TRDN: variants seen among roughly 807,000 people sequenced by gnomAD.
TRDN encodes triadin.
A neutral mutation model predicts 149.7 loss-of-function variants in TRDN; 161 were observed. The observed-to-expected ratio is 1.08, with a 90% CI of 0.95 to 1.23. The LOEUF (loss-of-function observed/expected upper bound fraction) is 1.23, where lower values mean the gene tolerates loss of function less well. Among genes scored for constraint, TRDN ranks in the 50% most tolerant of loss-of-function variants. The pLI, the probability that TRDN is intolerant of heterozygous loss-of-function variation, is 0.00. For synonymous variants in TRDN, 294 were observed against 250.5 expected (o/e 1.17, Z -1.64); for missense variants, 896 against 823.5 (o/e 1.09, Z -1.08).
At chr6:123,283,816 C>A (rs9401647) in intron 24 of TRDN, among the ~76,000 whole-genome samples, 26,737 of 148,050 alleles carry the variant, frequency 0.18, 3,021 homozygotes, top group East Asian at 0.53. Context: ...AAAAAATTAC[C>A]AATGAAAAAA....
intron 2 of TRDN, among the ~76,000 whole-genome samples, chr6:123,560,131 C>T (rs549427547): frequency 1.2e-3 from 189 of 152,288 alleles, no homozygotes; most frequent in African/African-American, 4.3e-3. Context: ...CGGCGGCTGC[C>T]GCTGCTTAAA....
At chr6:123,570,833 G>A (rs1454044959) in intron 2 of TRDN, 90 bp downstream of exon 2, 1 of 1,221,796 alleles carries the variant, frequency 8.2e-7, no homozygotes, top group Non-Finnish European at 1.2e-6. Flanking sequence ...ACACTAAGAT[G>A]AAACAGAAAC....
chr6:123,223,693 C>T (rs1263325204), intron 39 of TRDN, among the ~76,000 whole-genome samples: 2 of 140,696 alleles, frequency 1.4e-5, no homozygotes, highest in Non-Finnish European at 3.0e-5. Context: ...TCCTTCCTTC[C>T]TTCCTTCCTT....
chr6:123,379,155 T>C (rs1781620663), intron 16 of TRDN, among the ~76,000 whole-genome samples: 1 of 152,152 alleles, frequency 6.6e-6, no homozygotes. Flanking sequence ...CTAGAATATG[T>C]TCATACTGAA....
chr6:123,234,309 G>C (rs1775710138), intron 38 of TRDN, among the ~76,000 whole-genome samples: 1 of 152,094 alleles, frequency 6.6e-6, no homozygotes, highest in African/African-American at 2.4e-5. Flanking sequence ...TCATATATAT[G>C]TGTGTGCATT....
At chr6:123,312,426 T>C (rs555412885) in intron 24 of TRDN, among the ~76,000 whole-genome samples, 61 of 152,014 alleles carry the variant, frequency 4.0e-4, no homozygotes, top group Non-Finnish European at 7.1e-4. Context: ...ATAGTAAATA[T>C]ATTTTATCTT....
At chr6:123,523,761 A>C (rs1478199392) in intron 5 of TRDN, among the ~76,000 whole-genome samples, 2 of 152,158 alleles carry the variant, frequency 1.3e-5, no homozygotes, top group Non-Finnish European at 2.9e-5. Context: ...GAGAACAAGA[A>C]GTCTATGGCA....
chr6:123,509,895 T>G (rs1166152765), intron 7 of TRDN: 1 of 152,156 alleles, frequency 6.6e-6, no homozygotes, highest in Non-Finnish European at 1.5e-5. Context: ...ACCTGGGTTT[T>G]TAGTCTTAAC....
intron 24 of TRDN, among the ~76,000 whole-genome samples, chr6:123,291,399 C>T (rs1258030362): frequency 6.6e-6 from 1 of 151,784 alleles, no homozygotes; most frequent in African/African-American, 2.4e-5. Context: ...CCTGTCTCTA[C>T]TAAAAAATAC....
chr6:123,267,796 G>C (rs1390978591), intron 31 of TRDN, 45 bp from the exon 32 acceptor site: 1 of 1,464,618 alleles, frequency 6.8e-7, no homozygotes, highest in Admixed American at 2.1e-5. Context: ...TGGATTCTTT[G>C]GCAAATATTT....
intron 36 of TRDN, 61 bp from the exon 37 acceptor site, chr6:123,255,186 T>G: frequency 1.2e-6 from 1 of 827,064 alleles, no homozygotes. Context: ...CCATCAAAAT[T>G]TTGTCTCACA....
Position 123,252,385 on chromosome 6 carries a change from C to A in TRDN, c.1975+27G>T, listed in dbSNP as rs113739660. The A allele has an allele frequency of 1.8e-4, 261 of 1,423,424 alleles. 1 individual carries two copies. In the African/African-American group the frequency reaches 3.0e-3, roughly 16 times the overall value. 88.2% of individuals were successfully genotyped at this position (1,423,424 alleles called of 1,614,324 possible). ...AATTGATACTATGTATCAAAGAGAA[C>A]TTGTCATTAATACAAACCGTACTTA... is the stretch of plus-strand genomic sequence containing the variant. On this transcript the variant is annotated intron_variant, in intron 38 of 40. Coordinates refer to ENST00000334268, the MANE Select transcript of TRDN (RefSeq NM_006073.4).
chr6:123,361,526 A>AAG (rs547258197), intron 20 of TRDN, among the ~76,000 whole-genome samples: 4 of 151,886 alleles, frequency 2.6e-5, no homozygotes, highest in South Asian at 2.1e-4. Context: ...AATAAAAAAA[A>AAG]AGAGAGAGAG....
At chr6:123,324,375 G>A (rs1482439038) in intron 23 of TRDN, among the ~76,000 whole-genome samples, 1 of 152,086 alleles carries the variant, frequency 6.6e-6, no homozygotes, top group East Asian at 1.9e-4. Context: ...AGGTACTCAG[G>A]AGGCTGAGGC....
chr6:123,565,025 A>G (rs1439661909), intron 2 of TRDN, among the ~76,000 whole-genome samples: 1 of 152,152 alleles, frequency 6.6e-6, no homozygotes, highest in African/African-American at 2.4e-5. Flanking sequence ...ACATCCACTA[A>G]TGCCTTAGTT....
chr6:123,267,944 C>A (rs1277015283), intron 31 of TRDN, among the ~76,000 whole-genome samples, 193 bp from the exon 32 acceptor site: 1 of 152,042 alleles, frequency 6.6e-6, no homozygotes, highest in Non-Finnish European at 1.5e-5. Flanking sequence ...TCAGGACACC[C>A]AGGAAAAGGC....
At chr6:123,301,258 T>C (rs1372382314) in intron 24 of TRDN, among the ~76,000 whole-genome samples, 1 of 152,054 alleles carries the variant, frequency 6.6e-6, no homozygotes, top group Non-Finnish European at 1.5e-5. Flanking sequence ...CAAAATAATA[T>C]GGAGGATATG....
chr6:123,531,820 C>T (rs1390687868), intron 4 of TRDN, among the ~76,000 whole-genome samples: 1 of 152,176 alleles, frequency 6.6e-6, no homozygotes, highest in East Asian at 1.9e-4. Context: ...GGGTTTCTTA[C>T]ATTAGCACTT....
At chr6:123,561,484 T>G (rs1781997728) in intron 2 of TRDN, among the ~76,000 whole-genome samples, 1 of 152,070 alleles carries the variant, frequency 6.6e-6, no homozygotes, top group Middle Eastern at 3.2e-3. Context: ...GGCCCCAGTC[T>G]CATTCCAGAC....
Sources: allele counts gnomAD v4.1 joint callset (sites outside exome capture counted in the v4.1 genomes callset), GRCh38; gene constraint gnomAD v4.1.1; transcripts MANE v1.5; gene names NCBI Gene and HGNC (gene_info 2026-07-23, HGNC 2026-07-21).